Variants in ARL6IP5 observed in about 807,000 individuals in gnomAD.
The protein encoded by ARL6IP5 is ARF like GTPase 6 interacting protein 5, also known as PRA1 family protein 3.
A neutral mutation model predicts 13.0 loss-of-function variants in ARL6IP5; 6 were observed. The ratio of observed to expected loss-of-function variants is 0.46; its 90% CI spans 0.25 to 0.91. The LOEUF (loss-of-function observed/expected upper bound fraction) is 0.91, where lower values mean the gene tolerates loss of function less well. ARL6IP5 is among the 40% of genes least tolerant of loss of function. The probability of loss-of-function intolerance (pLI) is 0.17; values close to 1 mark genes in which losing one functional copy is unlikely to be tolerated. For missense variants in ARL6IP5, 208 were observed against 248.8 expected (o/e 0.84, Z 1.10); for synonymous variants, 91 against 91.9 (o/e 0.99, Z 0.06).
chr3:69,103,398 A>C (rs2092312193), intron 2 of ARL6IP5, among the ~76,000 whole-genome samples: 1 of 152,196 alleles, frequency 6.6e-6, no homozygotes, highest in East Asian at 1.9e-4. Flanking sequence ...CTCATCTCTA[A>C]AGTAAGGAGA....
chr3:69,093,288 G>T (rs1031807766), intron 1 of ARL6IP5, among the ~76,000 whole-genome samples: 3 of 152,158 alleles, frequency 2.0e-5, no homozygotes, highest in African/African-American at 7.2e-5. Context: ...AATATTTAGG[G>T]AATGGCAAGA....
At chr3:69,086,635 G>A (rs563501188) in intron 1 of ARL6IP5, among the ~76,000 whole-genome samples, 1 of 152,308 alleles carries the variant, frequency 6.6e-6, no homozygotes, top group Non-Finnish European at 1.5e-5. Flanking sequence ...GGCAGGGTGG[G>A]GCAGGCCCAA....
chr3:69,087,934 G>A (rs1356440994), intron 1 of ARL6IP5, among the ~76,000 whole-genome samples: 3 of 152,010 alleles, frequency 2.0e-5, no homozygotes, highest in African/African-American at 7.2e-5. Flanking sequence ...TCCACCAGTT[G>A]TTCTCTTTTC....
At chr3:69,089,103 C>G (rs1160542540) in intron 1 of ARL6IP5, among the ~76,000 whole-genome samples, 2 of 152,188 alleles carry the variant, frequency 1.3e-5, no homozygotes, top group Non-Finnish European at 2.9e-5. Flanking sequence ...ACAAAAGTCT[C>G]AGATGATTCA....
chr3:69,097,429 G>A (rs909123243), intron 1 of ARL6IP5, among the ~76,000 whole-genome samples: 6 of 150,910 alleles, frequency 4.0e-5, no homozygotes, highest in Middle Eastern at 3.4e-3. Flanking sequence ...CCGCCACCTC[G>A]GCTTCCCAGA....
At chr3:69,094,017 C>T (rs2107512289) in intron 1 of ARL6IP5, among the ~76,000 whole-genome samples, 1 of 152,264 alleles carries the variant, frequency 6.6e-6, no homozygotes, top group South Asian at 2.1e-4. Context: ...GAAAGGCTGG[C>T]TGAGCTGAGA....
At chr3:69,101,316 C>CTTTTTTTT (rs549402201) in intron 1 of ARL6IP5, among the ~76,000 whole-genome samples, 2 of 119,444 alleles carry the variant, frequency 1.7e-5, no homozygotes, top group African/African-American at 7.1e-5. Context: ...TCAGCTCCAC[C>CTTTTTTTT]TTTTTTTTTT....
chr3:69,101,424 GTGAT>G (rs2092304931), intron 1 of ARL6IP5, among the ~76,000 whole-genome samples: 1 of 149,806 alleles, frequency 6.7e-6, no homozygotes, highest in African/African-American at 2.5e-5. Context: ...CCAGGTTCAA[GTGAT>G]CCTCCCACCT....
At chr3:69,100,783 A>G (rs577340772) in intron 1 of ARL6IP5, among the ~76,000 whole-genome samples, 3 of 150,348 alleles carry the variant, frequency 2.0e-5, no homozygotes, top group South Asian at 2.1e-4. Flanking sequence ...TCTGTCTCAA[A>G]TAAAAAAAAA....
At chr3:69,094,723 G>T (rs866591300) in intron 1 of ARL6IP5, among the ~76,000 whole-genome samples, 11 of 152,296 alleles carry the variant, frequency 7.2e-5, no homozygotes, top group Middle Eastern at 3.4e-3. Context: ...CACCAAATGT[G>T]GCCTTGAGTT....
At chr3:69,089,639 A>C (rs1466414223) in intron 1 of ARL6IP5, among the ~76,000 whole-genome samples, 2 of 146,532 alleles carry the variant, frequency 1.4e-5, no homozygotes, top group South Asian at 4.2e-4. Flanking sequence ...ACCCTGTCTA[A>C]AAAAAAAAAA....
chr3:69,086,687 G>T (rs548200897), intron 1 of ARL6IP5, among the ~76,000 whole-genome samples: 1 of 151,550 alleles, frequency 6.6e-6, no homozygotes, highest in Non-Finnish European at 1.5e-5. Context: ...TCAGCTCTGT[G>T]CTTCAGGCTG....
In ARL6IP5 at chr3:69,085,111, G is replaced by A. The variant is rs747095530; in HGVS notation, c.64G>A (p.Ala22Thr). The A allele has an allele frequency of 1.9e-6, 3 of 1,614,180 alleles. No homozygotes were observed. Among genetic ancestry groups the A allele is most frequent in the Non-Finnish European group, 2.5e-6 (3 of 1,180,034 alleles). ...TTTCTTCCCGGGTTCCGATCGCTTT[G>A]CCCGGCCGGACTTCAGGGACATTTC... is the stretch of plus-strand genomic sequence containing the variant. ...DDFFPGSDRF[A>T]RPDFRDISKW... Residue 22 changes from alanine (A) to threonine (T), a missense_variant, in exon 1 of 3, where the codon GCC becomes ACC. Physicochemically the swap from Ala to Thr is moderately conservative, Grantham distance 58. Coordinates refer to ENST00000273258, the MANE Select transcript of ARL6IP5 (RefSeq NM_006407.4).
At chr3:69,096,218 TA>T (rs555609250) in intron 1 of ARL6IP5, among the ~76,000 whole-genome samples, 3 of 152,218 alleles carry the variant, frequency 2.0e-5, no homozygotes, top group African/African-American at 7.2e-5. Flanking sequence ...GGTTATGAAC[TA>T]AAACCAGTTC....
rs1201628567 is a variant in ARL6IP5 at position 69,105,291 on chromosome 3, A to T, written c.*655A>T. 5.8e-6 allele frequency: 1 copy of T among 173,886 alleles called. No individual in the cohort carries two copies. Among genetic ancestry groups the T allele is most frequent in the Non-Finnish European group, 1.2e-5 (1 of 81,992 alleles). The allele number at this position is 173,886 out of a possible 1,614,324, so 10.8% of individuals were successfully genotyped here. A position where few individuals can be genotyped will look rare whatever the true frequency, so the allele number is the denominator to read the frequency against. ...TTTTCACCAGCAAGTATTTGTTGCA[A>T]ACTTAATGTCATTTTCCTTAAGATG... On this transcript the variant is annotated 3_prime_UTR_variant, in exon 3 of 3. Transcript: ENST00000273258.
Position 69,105,132 on chromosome 3 carries a change from A to C in ARL6IP5, c.*496A>C, listed in dbSNP as rs751259299. ...CTCTTAAAAATCAAAGATGATCTCTATCACTTTGCCACCTGTTTGATGTGC... is the reference window on the plus strand; with the variant it reads ...CTCTTAAAAATCAAAGATGATCTCTCTCACTTTGCCACCTGTTTGATGTGC... On this transcript the variant is annotated 3_prime_UTR_variant, in exon 3 of 3. Coordinates refer to ENST00000273258, the MANE Select transcript of ARL6IP5 (RefSeq NM_006407.4). The C allele has an allele frequency of 1.2e-5, 5 of 434,106 alleles. No individual in the cohort carries two copies. Among genetic ancestry groups the C allele is most frequent in the Non-Finnish European group, 2.0e-5 (5 of 244,558 alleles). The allele number at this position is 434,106 out of a possible 1,614,324, so 26.9% of individuals were successfully genotyped here.
In ARL6IP5 at chr3:69,104,900, ATTTC is replaced by A. The variant is rs1408860338; in HGVS notation, c.*268_*271del. 13 of 702,422 alleles carry A rather than the reference ATTTC, an allele frequency of 1.9e-5. No individual in the cohort carries two copies. Among genetic ancestry groups the A allele is most frequent in the East Asian group, 8.0e-5 (3 of 37,270 alleles). The allele number at this position is 702,422 out of a possible 1,614,324, so 43.5% of individuals were successfully genotyped here. ...AATCTAATGGGAAATGGATCACACG[ATTTC>A]TTTAAGGGAATTAAAAAAAATAAAA... On this transcript the variant is annotated 3_prime_UTR_variant, in exon 3 of 3. Transcript: ENST00000273258.
intron 1 of ARL6IP5, among the ~76,000 whole-genome samples, chr3:69,101,530 G>A (rs7621929): frequency 0.063 from 9,531 of 151,204 alleles, 735 homozygotes; most frequent in East Asian, 0.31. Flanking sequence ...CATGTTGCCT[G>A]GGTTGGTCTT....
rs1323713023 is a variant in ARL6IP5, at chr3:69,095,502, TC to T, written c.177-6336del. On this transcript the variant is annotated intron_variant, in intron 1 of 2. Coordinates refer to ENST00000273258, the MANE Select transcript of ARL6IP5 (RefSeq NM_006407.4). ...TCCCTTCTTTCTCACCATCCCTCGTTCTTTTTTTTTTTTTTGAGACGGAGTC... is the reference window on the plus strand; with the variant it reads ...TCCCTTCTTTCTCACCATCCCTCGTTTTTTTTTTTTTTTTGAGACGGAGTC... Among the ~76,000 whole-genome samples, 198 of 149,646 alleles carry T rather than the reference TC, an allele frequency of 1.3e-3. 1 individual carries two copies. The highest frequency in any genetic ancestry group is 4.7e-3 in the African/African-American group (192 of 40,524).
Sources: gnomAD v4.1 joint callset for allele counts (sites outside exome capture counted in the v4.1 genomes callset) on GRCh38, gnomAD v4.1.1 for gene constraint, MANE v1.5 for transcripts, NCBI Gene and HGNC (gene_info 2026-07-23, HGNC 2026-07-21) for gene names.